NOX5: variants seen among roughly 807,000 people sequenced by gnomAD.
NOX5 encodes the protein NADPH oxidase 5, also known as NADPH oxidase, EF-hand calcium binding domain 5.
A neutral mutation model predicts 85.7 loss-of-function variants in NOX5; 76 were observed. That is an observed-to-expected ratio of 0.89 (90% CI 0.74 to 1.07). The LOEUF (loss-of-function observed/expected upper bound fraction) is 1.07, where lower values mean the gene tolerates loss of function less well. NOX5 is among the 50% of genes least tolerant of loss of function. The probability of loss-of-function intolerance (pLI) is 0.00; values close to 1 mark genes in which losing one functional copy is unlikely to be tolerated. For synonymous variants in NOX5, 405 were observed against 401.4 expected (o/e 1.01, Z -0.11); for missense variants, 973 against 999.5 (o/e 0.97, Z 0.36).
chr15:69,056,626 C>G lies in NOX5; in HGVS notation c.2228C>G (p.Pro743Arg), dbSNP rs1156402632. Residue 743 changes from proline to arginine, a missense_variant, in exon 16 of 16, where the codon CCA becomes CGA. Pro to Arg is a moderately radical substitution (Grantham distance 103). Coordinates refer to ENST00000388866, the MANE Select transcript of NOX5 (RefSeq NM_024505.4). ...GKVQVFFCGS[P>R]ALAKVLKGHC... ...GTGCAGGTCTTCTTCTGTGGCTCCC[C>G]AGCTCTGGCCAAGGTGCTGAAGGGC... 6.2e-7 allele frequency: 1 copy of G among 1,613,706 alleles called. No homozygotes were observed. The highest frequency in any genetic ancestry group is 2.2e-5 in the East Asian group (1 of 44,896).
chr15:69,039,305 G>A (rs1440801053), intron 9 of NOX5, among the ~76,000 whole-genome samples: 1 of 149,400 alleles, frequency 6.7e-6, no homozygotes, highest in Non-Finnish European at 1.5e-5. Context: ...GGAGGAGGCA[G>A]AGGGAAAAGC....
Position 69,060,984 on chromosome 15 carries a change from G to C in NOX5, c.*4288G>C, listed in dbSNP as rs967806816. On this transcript the variant is annotated 3_prime_UTR_variant, in exon 16 of 16. Transcript: ENST00000388866. ...GCCCAAATGCTAAGCAGTTCGCAGTGGTTAACTGTGGAGGAGGCAAAGGAG... is the reference window on the plus strand; with the variant it reads ...GCCCAAATGCTAAGCAGTTCGCAGTCGTTAACTGTGGAGGAGGCAAAGGAG... The C allele has an allele frequency of 6.6e-6, 1 of 152,198 alleles. No homozygotes were observed. The highest frequency in any genetic ancestry group is 1.5e-5 in the Non-Finnish European group (1 of 68,020). The allele number at this position is 152,198 out of a possible 1,614,324, so 9.4% of individuals were successfully genotyped here. A position where few individuals can be genotyped will look rare whatever the true frequency, so the allele number is the denominator to read the frequency against.
At position 69,060,776 on chromosome 15, in the gene NOX5, A is replaced by C. The variant is rs1354820097; in HGVS notation, c.*4080A>C. The C allele has an allele frequency of 6.6e-6, 1 of 152,244 alleles. No homozygotes were observed. The highest frequency in any genetic ancestry group is 1.5e-5 in the Non-Finnish European group (1 of 68,040). 9.4% of individuals were successfully genotyped at this position (152,244 alleles called of 1,614,324 possible). A position where few individuals can be genotyped will look rare whatever the true frequency, so the allele number is the denominator to read the frequency against. ...AGAAAATAAATGACATATGTATATC[A>C]TGTGGGGATAAATAGATAAAAATAC... On this transcript the variant is annotated 3_prime_UTR_variant, in exon 16 of 16. Transcript: ENST00000388866.
chr15:69,028,114 A>ACC (rs145922407), intron 2 of NOX5, 101 bp from the exon 3 acceptor site: 4 of 1,291,382 alleles, frequency 3.1e-6, no homozygotes, highest in Admixed American at 2.4e-5. Flanking sequence ...TCTGTGGTGC[A>ACC]CCCCCCCACC....
chr15:69,041,197 C>T (rs946183421), intron 9 of NOX5, among the ~76,000 whole-genome samples: 1 of 152,182 alleles, frequency 6.6e-6, no homozygotes, highest in Admixed American at 6.5e-5. Context: ...TTGGAGACCT[C>T]CTAGGTCTGA....
rs765109146 is a variant in NOX5 at position 69,035,917 on chromosome 15, G to A, written c.1169G>A (p.Arg390His). ...TTCATCTGCTCCAGTTCCTGCATCC[G>A]CAGGAGTGGCCACTTTGAGGTGCCC... ...LMFICSSSCIRRSGHFEVFYW... is the reference protein window; with the variant it reads ...LMFICSSSCIHRSGHFEVFYW... The change falls in exon 7 of 16, where the codon CGC becomes CAC. Residue 390 changes from arginine (R) to histidine (H), a missense_variant. By Grantham distance (29) the Arg-to-His change is conservative. Transcript: ENST00000388866. 94 of 1,614,124 alleles carry A rather than the reference G, an allele frequency of 5.8e-5. No individual in the cohort carries two copies. The highest frequency in any genetic ancestry group is 1.0e-4 in the Admixed American group (6 of 60,030).
At position 69,060,435 on chromosome 15, in the gene NOX5, C is replaced by T. The variant is rs1260267429; in HGVS notation, c.*3739C>T. On this transcript the variant is annotated 3_prime_UTR_variant, in exon 16 of 16. Coordinates refer to ENST00000388866, the MANE Select transcript of NOX5 (RefSeq NM_024505.4). ...GTCTGCTGTGTGACCTTGGGTGTAT[C>T]ATTTGACCTCTCTGAGTTCTCACTT... 3 of 152,318 alleles carry T rather than the reference C, an allele frequency of 2.0e-5. No individual in the cohort carries two copies. The highest frequency in any genetic ancestry group is 2.0e-4 in the Admixed American group (3 of 15,304). 9.4% of individuals were successfully genotyped at this position (152,318 alleles called of 1,614,324 possible).
Position 69,017,341 on chromosome 15 carries a change from G to T in NOX5, c.50+2556G>T, listed in dbSNP as rs2654998. ...TAATTTTTGTATTTTTAGTAGAAAT[G>T]GGGTTTTGCCATGTTGAACAGGCTG... On this transcript the variant is annotated intron_variant, in intron 1 of 15. Coordinates refer to ENST00000388866, the MANE Select transcript of NOX5 (RefSeq NM_024505.4). Among the ~76,000 whole-genome samples the T allele has an allele frequency of 8.8e-3, 1,332 of 152,092 alleles. 17 individuals carry two copies. Among genetic ancestry groups the T allele is most frequent in the African/African-American group, 0.029 (1,209 of 41,472 alleles).
chr15:69,037,484 T>G (rs2050537727), intron 8 of NOX5: 3 of 428,198 alleles, frequency 7.0e-6, no homozygotes, highest in Non-Finnish European at 4.3e-6. Flanking sequence ...CGTTTATTAG[T>G]GCCTACAGGG....
intron 1 of NOX5, among the ~76,000 whole-genome samples, chr15:69,015,521 A>G (rs1595763879): frequency 6.6e-6 from 1 of 152,118 alleles, no homozygotes; most frequent in South Asian, 2.1e-4. Context: ...GAGGCTGTTT[A>G]ACCCCTAGGG....
At chr15:69,038,750 C>T in intron 8 of NOX5, 107 bp from the exon 9 acceptor site, 2 of 1,482,524 alleles carry the variant, frequency 1.3e-6, no homozygotes, top group Non-Finnish European at 1.9e-6. Context: ...TCGGGGCATG[C>T]CTGTTTTATG....
chr15:69,044,044 C>T (rs565893141), intron 10 of NOX5, among the ~76,000 whole-genome samples: 1 of 152,124 alleles, frequency 6.6e-6, no homozygotes, highest in Non-Finnish European at 1.5e-5. Flanking sequence ...ATTAGCCAGG[C>T]GTGGTGGTGC....
chr15:69,014,879 G>A, intron 1 of NOX5, 94 bp downstream of exon 1: 1 of 934,170 alleles, frequency 1.1e-6, no homozygotes, highest in Non-Finnish European at 1.7e-6. Context: ...AACTGTGTCT[G>A]CCTTGGGCAG....
chr15:69,044,228 A>G (rs1490720239), intron 10 of NOX5, among the ~76,000 whole-genome samples: 1 of 152,076 alleles, frequency 6.6e-6, no homozygotes, highest in African/African-American at 2.4e-5. Flanking sequence ...AAAACATAGT[A>G]ATTTCCTTGT....
chr15:69,028,668 T>C, intron 3 of NOX5: 2 of 223,620 alleles, frequency 8.9e-6, no homozygotes, highest in Non-Finnish European at 1.7e-5. Flanking sequence ...TGATCTTTTC[T>C]ATGTCTGAAA....
At position 69,047,884 on chromosome 15, in the gene NOX5, T is replaced by G; in HGVS notation, c.1872T>G (p.Gly624=). 6.2e-7 allele frequency: 1 copy of G among 1,614,162 alleles called. No individual in the cohort carries two copies. The highest frequency in any genetic ancestry group is 8.5e-7 in the Non-Finnish European group (1 of 1,180,024). The change falls in exon 13 of 16, where the codon GGT becomes GGG. Residue 624 remains glycine, a synonymous_variant. Transcript: ENST00000388866. ...CPSCQHSWIE[G]VQDNMKLHKV... The stretch of plus-strand genomic sequence containing the variant: ...GCTGCCAGCACTCCTGGATCGAAGG[T>G]GTCCAAGACAACATGAAGCTCCATA...
rs1398977939 is a variant in NOX5, at chr15:69,027,518, C to T, written c.175-697C>T. 5.3e-5 allele frequency among the ~76,000 whole-genome samples: 8 copies of T among 152,070 alleles called. No homozygotes were observed. In the East Asian group the frequency reaches 1.6e-3, roughly 30 times the overall value. On this transcript the variant is annotated intron_variant, in intron 2 of 15. Transcript: ENST00000388866. The stretch of plus-strand genomic sequence containing the variant: ...CCTCATAGTTTTATTAAGTCAGACA[C>T]TAGAGCTCCACAGGGTCCTCCCCCT...
chr15:69,046,950 T>C (rs544484853), intron 11 of NOX5, 84 bp downstream of exon 11: 102 of 1,457,554 alleles, frequency 7.0e-5, no homozygotes, highest in Non-Finnish European at 9.5e-5. Flanking sequence ...GGAGGGGCTG[T>C]TGTGGTTGTG....
At position 69,026,531 on chromosome 15, in the gene NOX5, C is replaced by T. The variant is rs757992189; in HGVS notation, c.54C>T (p.Thr18=). 2 of 1,614,150 alleles carry T rather than the reference C, an allele frequency of 1.2e-6. No homozygotes were observed. The highest frequency in any genetic ancestry group is 2.2e-5 in the East Asian group (1 of 44,872). The change falls in exon 2 of 16, where the codon ACC becomes ACT. Residue 18 remains threonine, a synonymous_variant. Coordinates refer to ENST00000388866, the MANE Select transcript of NOX5 (RefSeq NM_024505.4). Reference sequence around the variant, plus strand: ...ACCTGTTTCCTTTGCCTCCCAGCACCATGAGTGCCGAGGAGGATGCCAGGT... The same window carrying T: ...ACCTGTTTCCTTTGCCTCCCAGCACTATGAGTGCCGAGGAGGATGCCAGGT... ...AQTGPEGCRG[T]MSAEEDARWL...
Sources: gnomAD v4.1 joint callset for allele counts (sites outside exome capture counted in the v4.1 genomes callset) on GRCh38, gnomAD v4.1.1 for gene constraint, MANE v1.5 for transcripts, NCBI Gene and HGNC (gene_info 2026-07-23, HGNC 2026-07-21) for gene names.